TRIM38: variants seen among roughly 807,000 people sequenced by gnomAD.
TRIM38 encodes tripartite motif containing 38, also known as E3 ubiquitin-protein ligase TRIM38.
In TRIM38, 35 loss-of-function variants were observed where a neutral mutation model predicts 35.8. That is an observed-to-expected ratio of 0.98 (90% CI 0.75 to 1.30). The LOEUF is 1.30. Among genes scored for constraint, TRIM38 ranks in the 50% most tolerant of loss-of-function variants. The pLI, the probability that TRIM38 is intolerant of heterozygous loss-of-function variation, is 0.00. For synonymous variants in TRIM38, 198 were observed against 204.7 expected (o/e 0.97, Z 0.28); for missense variants, 545 against 556.9 (o/e 0.98, Z 0.21).
rs1343304763 is a variant in TRIM38 at position 25,986,225 on chromosome 6, A to C, written c.*2538A>C. On this transcript the variant is annotated 3_prime_UTR_variant, in exon 8 of 8. Coordinates refer to ENST00000357085, the MANE Select transcript of TRIM38 (RefSeq NM_006355.5). ...AAACAGACTGATAAATACAAAATGA[A>C]ATTCAGACACTTACAGAGCAGCCAG... 6.6e-6 allele frequency: 1 copy of C among 152,202 alleles called. No homozygotes were observed. The allele number at this position is 152,202 out of a possible 1,614,324, so 9.4% of individuals were successfully genotyped here. A position where few individuals can be genotyped will look rare whatever the true frequency, so the allele number is the denominator to read the frequency against.
intron 7 of TRIM38, chr6:25,975,749 G>C: frequency 1.1e-6 from 1 of 932,814 alleles, no homozygotes; most frequent in Non-Finnish European, 1.3e-6. Context: ...TATGTTACTC[G>C]TTACTTTTTA....
chr6:25,977,956 T>C (rs1344542958), intron 7 of TRIM38, among the ~76,000 whole-genome samples: 1 of 152,056 alleles, frequency 6.6e-6, no homozygotes, highest in Non-Finnish European at 1.5e-5. Context: ...ACAACAACAT[T>C]GCATGTTGGC....
chr6:25,966,871 C>T lies in TRIM38; in HGVS notation c.349C>T (p.Arg117Trp), dbSNP rs753972204. The change falls in exon 3 of 8, where the codon CGG (arginine) becomes TGG (tryptophan). Residue 117 changes from arginine (R) to tryptophan (W), a missense_variant. Coordinates refer to ENST00000357085, the MANE Select transcript of TRIM38 (RefSeq NM_006355.5). Reference sequence around the variant, plus strand: ...GCAGCTCATCTGCTGGCGCTGTGAGCGGGCACCACAGCACAAAGGGCACAC... The same window carrying T: ...GCAGCTCATCTGCTGGCGCTGTGAGTGGGCACCACAGCACAAAGGGCACAC... Reference protein sequence around the residue: ...EGQLICWRCERAPQHKGHTTA... With the variant: ...EGQLICWRCEWAPQHKGHTTA... 43 of 1,613,984 alleles carry T rather than the reference C, an allele frequency of 2.7e-5. No individual in the cohort carries two copies. The highest frequency in any genetic ancestry group is 8.0e-5 in the African/African-American group (6 of 74,906).
In TRIM38 at chr6:25,987,025, T is replaced by A. The variant is rs1485210634; in HGVS notation, c.*3338T>A. ...CACTTAAGAAGTCAGAAAGATTAGCTTTTTTTCCAGGGTAGTTGGCTGAAA... is the reference window on the plus strand; with the variant it reads ...CACTTAAGAAGTCAGAAAGATTAGCATTTTTTCCAGGGTAGTTGGCTGAAA... On this transcript the variant is annotated 3_prime_UTR_variant, in exon 8 of 8. Coordinates refer to ENST00000357085, the MANE Select transcript of TRIM38 (RefSeq NM_006355.5). The A allele has an allele frequency of 6.6e-6, 1 of 152,158 alleles. No individual in the cohort carries two copies. Among genetic ancestry groups the A allele is most frequent in the African/African-American group, 2.4e-5 (1 of 41,424 alleles). 9.4% of individuals were successfully genotyped at this position (152,158 alleles called of 1,614,324 possible).
intron 7 of TRIM38, chr6:25,975,522 ATAAATTTTATTTTTATTTTTAAATG>A: frequency 1.2e-6 from 1 of 804,454 alleles, no homozygotes. Context: ...AGTGATAGGA[ATAAATTTTATTTTTATTTTTAAATG>A]TATGTTTATT....
At chr6:25,977,278 T>C (rs1439173624) in intron 7 of TRIM38, among the ~76,000 whole-genome samples, 2 of 152,156 alleles carry the variant, frequency 1.3e-5, no homozygotes, top group Non-Finnish European at 2.9e-5. Flanking sequence ...CTGGGGAGAC[T>C]AGGGCAGGAG....
rs1429990822 is a variant in TRIM38, at chr6:25,990,341, C to G, written c.*6654C>G. ...ATATGTATATTGACACAGGGTCTTG[C>G]TCTGTTGCCCAGACTGGAGTGCAGT... On this transcript the variant is annotated 3_prime_UTR_variant, in exon 8 of 8. Coordinates refer to ENST00000357085, the MANE Select transcript of TRIM38 (RefSeq NM_006355.5). 2 of 152,250 alleles carry G rather than the reference C, an allele frequency of 1.3e-5. No homozygotes were observed. The highest frequency in any genetic ancestry group is 4.8e-5 in the African/African-American group (2 of 41,446). The allele number at this position is 152,250 out of a possible 1,614,324, so 9.4% of individuals were successfully genotyped here.
rs1760747653 is a variant in TRIM38, at chr6:25,987,518, C to A, written c.*3831C>A. 6.6e-6 allele frequency: 1 copy of A among 152,126 alleles called. No individual in the cohort carries two copies. Among genetic ancestry groups the A allele is most frequent in the African/African-American group, 2.4e-5 (1 of 41,416 alleles). The allele number at this position is 152,126 out of a possible 1,614,324, so 9.4% of individuals were successfully genotyped here. A position where few individuals can be genotyped will look rare whatever the true frequency, so the allele number is the denominator to read the frequency against. ...GATCTCAACTAAACCTAACTATCAC[C>A]CAAAGAGCCCACCTCCAAAGACCAT... On this transcript the variant is annotated 3_prime_UTR_variant, in exon 8 of 8. Transcript: ENST00000357085.
chr6:25,979,002 T>C (rs538434096), intron 7 of TRIM38, among the ~76,000 whole-genome samples: 5 of 152,298 alleles, frequency 3.3e-5, no homozygotes, highest in South Asian at 2.1e-4. Flanking sequence ...TAATGTATTA[T>C]ATATGTCATA....
intron 4 of TRIM38, 28 bp from the exon 5 acceptor site, chr6:25,971,841 C>T (rs1255407909): frequency 1.3e-6 from 2 of 1,595,278 alleles, no homozygotes; most frequent in Non-Finnish European, 1.7e-6. Context: ...TTTACTTCCA[C>T]CTTTTGACCA....
rs1554143882 is a variant in TRIM38 at position 25,988,496 on chromosome 6, C to CTTTCTTTTTTTTTTT, written c.*4812_*4813insCTTTTTTTTTTTTTT. On this transcript the variant is annotated 3_prime_UTR_variant, in exon 8 of 8. Coordinates refer to ENST00000357085, the MANE Select transcript of TRIM38 (RefSeq NM_006355.5). ...TTTCTTTTTCTTTTTTCTTTTCTTT[C>CTTTCTTTTTTTTTTT]TTTTTTTTTTTTTTTTTGAGACAGA... is the stretch of plus-strand genomic sequence containing the variant. 3.2e-5 allele frequency: 2 copies of CTTTCTTTTTTTTTTT among 63,054 alleles called. No individual in the cohort carries two copies. Among genetic ancestry groups the CTTTCTTTTTTTTTTT allele is most frequent in the African/African-American group, 7.0e-5 (1 of 14,186 alleles). 3.9% of individuals were successfully genotyped at this position (63,054 alleles called of 1,614,324 possible).
In TRIM38 at chr6:25,966,330, T is replaced by G; in HGVS notation, c.-188-5T>G. On this transcript the variant is annotated splice_polypyrimidine_tract_variant and splice_region_variant and intron_variant, in intron 2 of 7. Transcript: ENST00000357085. ...ACAACCTCAGCCTCAACTTCTTCCTTTTAGGTCCTCTTTTCTTCAATACAA... is the reference window on the plus strand; with the variant it reads ...ACAACCTCAGCCTCAACTTCTTCCTGTTAGGTCCTCTTTTCTTCAATACAA... The G allele has an allele frequency of 1.8e-6, 1 of 567,732 alleles. No homozygotes were observed. The highest frequency in any genetic ancestry group is 3.6e-5 in the Admixed American group (1 of 27,436). The allele number at this position is 567,732 out of a possible 1,614,324, so 35.2% of individuals were successfully genotyped here.
chr6:25,969,609 C>T (rs1276750374), intron 4 of TRIM38, among the ~76,000 whole-genome samples, 189 bp downstream of exon 4: 2 of 152,196 alleles, frequency 1.3e-5, no homozygotes, highest in Non-Finnish European at 2.9e-5. Flanking sequence ...GTATTTAGCA[C>T]CAATCTTTCC....
Position 25,971,963 on chromosome 6 carries a change from T to C in TRIM38, c.602T>C (p.Leu201Pro), listed in dbSNP as rs370611506. Residue 201 changes from leucine (L) to proline (P), a missense_variant, in exon 5 of 8, where the codon CTG becomes CCG. Physicochemically the swap from Leu to Pro is moderately conservative, Grantham distance 98. Transcript: ENST00000357085. The stretch of plus-strand genomic sequence containing the variant: ...GAAGAGAAGTCTTATCTCTGGAGGC[T>C]GGAGAAAGAAGAACAACAGACTCTG... ...HEEEKSYLWR[L>P]EKEEQQTLSR... is the part of the protein sequence containing the mutation. 1.2e-6 allele frequency: 2 copies of C among 1,613,986 alleles called. No individual in the cohort carries two copies. Among genetic ancestry groups the C allele is most frequent in the African/African-American group, 2.7e-5 (2 of 74,900 alleles).
chr6:25,982,972 G>A (rs140264349), intron 7 of TRIM38, among the ~76,000 whole-genome samples, 192 bp from the exon 8 acceptor site: 4,488 of 152,198 alleles, frequency 0.029, 108 homozygotes, highest in Middle Eastern at 0.058. Context: ...ACCTGTAGTC[G>A]CAGTTACTCC....
At chr6:25,978,378 G>C (rs944255683) in intron 7 of TRIM38, among the ~76,000 whole-genome samples, 2 of 151,756 alleles carry the variant, frequency 1.3e-5, no homozygotes, top group Admixed American at 1.3e-4. Context: ...ATGGATAGAG[G>C]ATACTATGTC....
chr6:25,977,955 T>C (rs927181309), intron 7 of TRIM38, among the ~76,000 whole-genome samples: 1 of 152,070 alleles, frequency 6.6e-6, no homozygotes, highest in African/African-American at 2.4e-5. Flanking sequence ...AACAACAACA[T>C]TGCATGTTGG....
In TRIM38 at chr6:25,971,884, C is replaced by T. The variant is rs528013555; in HGVS notation, c.523C>T (p.Gln175Ter). Residue 175 changes from glutamine to a stop codon, truncating the protein, a stop_gained, in exon 5 of 8, where the codon CAG becomes TAG. Coordinates refer to ENST00000357085, the MANE Select transcript of TRIM38 (RefSeq NM_006355.5). LOFTEE classifies it high-confidence loss of function. ...TTGACTCCAGGAGAAGGTACAGATTCAGAGACAAAAAATCCGGTCTGACTT... is the reference window on the plus strand; with the variant it reads ...TTGACTCCAGGAGAAGGTACAGATTTAGAGACAAAAAATCCGGTCTGACTT... ...ITKWKEKVQI[Q>*]RQKIRSDFKN... 2.5e-6 allele frequency: 4 copies of T among 1,614,088 alleles called. No individual in the cohort carries two copies. In the South Asian group the frequency reaches 3.3e-5, roughly 13 times the overall value.
rs1389483240 is a variant in TRIM38, at chr6:25,986,080, A to G, written c.*2393A>G. The stretch of plus-strand genomic sequence containing the variant: ...ATAAAGAATACAGAAGAAAATAGGA[A>G]CAAAAGAATATATACTGGAATAATT... On this transcript the variant is annotated 3_prime_UTR_variant, in exon 8 of 8. Coordinates refer to ENST00000357085, the MANE Select transcript of TRIM38 (RefSeq NM_006355.5). 1 of 152,214 alleles carries G rather than the reference A, an allele frequency of 6.6e-6. No individual in the cohort carries two copies. The highest frequency in any genetic ancestry group is 2.4e-5 in the African/African-American group (1 of 41,458). 9.4% of individuals were successfully genotyped at this position (152,214 alleles called of 1,614,324 possible).
Sources: gnomAD v4.1 joint callset for allele counts (sites outside exome capture counted in the v4.1 genomes callset) on GRCh38, gnomAD v4.1.1 for gene constraint, MANE v1.5 for transcripts, NCBI Gene and HGNC (gene_info 2026-07-23, HGNC 2026-07-21) for gene names.